Variants in PLCB4 observed in about 807,000 individuals in gnomAD.
The protein encoded by PLCB4 is phospholipase C beta 4.
Under a neutral mutation model 178.8 loss-of-function variants are expected in PLCB4, and 77 were observed. That is an observed-to-expected ratio of 0.43 (90% CI 0.36 to 0.52). PLCB4 has a LOEUF of 0.52. Ranked by LOEUF, PLCB4 falls within the 20% of genes least tolerant of loss-of-function variation. PLCB4 has a pLI of 0.00. For missense variants in PLCB4, 1,024 were observed against 1,453.4 expected (o/e 0.70, Z 4.80); for synonymous variants, 496 against 490.8 (o/e 1.01, Z -0.14).
intron 4 of PLCB4, among the ~76,000 whole-genome samples, chr20:9,325,725 C>T (rs2147990799): frequency 6.6e-6 from 1 of 152,314 alleles, no homozygotes; most frequent in Non-Finnish European, 1.5e-5. Flanking sequence ...TCGTTAGAAA[C>T]AGTTTGGCCT....
At chr20:9,114,325 A>G (rs557316692) in intron 2 of PLCB4, among the ~76,000 whole-genome samples, 6 of 152,244 alleles carry the variant, frequency 3.9e-5, no homozygotes, top group African/African-American at 9.6e-5. Flanking sequence ...TGCTGATGCT[A>G]GGAACGGAGA....
chr20:9,312,800 T>C (rs746143155), intron 4 of PLCB4, among the ~76,000 whole-genome samples: 12 of 152,154 alleles, frequency 7.9e-5, no homozygotes, highest in Non-Finnish European at 1.3e-4. Context: ...AAAGGAAAAG[T>C]GAAGTAAGTT....
chr20:9,069,335 C>G (rs1055641596), intron 1 of PLCB4, 129 bp downstream of exon 1: 1 of 152,274 alleles, frequency 6.6e-6, no homozygotes, highest in Admixed American at 6.5e-5. Flanking sequence ...GCGGGGACCC[C>G]GTGCAGGTGC....
chr20:9,225,449 TG>T (rs1478962553), intron 3 of PLCB4, among the ~76,000 whole-genome samples: 1 of 152,238 alleles, frequency 6.6e-6, no homozygotes, highest in East Asian at 1.9e-4. Flanking sequence ...CTGGAAAAGA[TG>T]TAACAGTCGA....
intron 3 of PLCB4, among the ~76,000 whole-genome samples, chr20:9,307,362 G>T (rs1387910776): frequency 6.6e-6 from 1 of 152,036 alleles, no homozygotes; most frequent in Non-Finnish European, 1.5e-5. Context: ...TACCCTGTGG[G>T]CTCCTCCTGC....
chr20:9,431,827 GTACTCCT>G (rs2041438257), intron 28 of PLCB4, among the ~76,000 whole-genome samples: 1 of 151,760 alleles, frequency 6.6e-6, no homozygotes, highest in Admixed American at 6.6e-5. Context: ...TATTTTCTTA[GTACTCCT>G]TCCATTCATC....
chr20:9,207,580 A>G, intron 2 of PLCB4, among the ~76,000 whole-genome samples: 1 of 152,230 alleles, frequency 6.6e-6, no homozygotes, highest in South Asian at 2.1e-4. Flanking sequence ...GGCTGGTGGC[A>G]CGTGGTGCCG....
chr20:9,457,597 T>G, intron 34 of PLCB4, 108 bp downstream of exon 34: 1 of 692,752 alleles, frequency 1.4e-6, no homozygotes, highest in Non-Finnish European at 2.6e-6. Flanking sequence ...AGAGCTGGTC[T>G]AGTAGCCTGC....
chr20:9,437,075 A>G lies in PLCB4; in HGVS notation c.2687A>G (p.Asn896Ser), dbSNP rs2041817956. Reference sequence around the variant, plus strand: ...GGAAAGGCCAACACCGCCAAAGCAAATGTGACCCCTCAGAGTAGCTCTGAG... The same window carrying G: ...GGAAAGGCCAACACCGCCAAAGCAAGTGTGACCCCTCAGAGTAGCTCTGAG... The part of the protein sequence containing the change: ...KKGKANTAKA[N>S]VTPQSSSELR... The change falls in exon 30 of 40, where the codon AAT (asparagine) becomes AGT (serine). Residue 896 changes from asparagine to serine, a missense_variant. Physicochemically the swap from Asn to Ser is conservative, Grantham distance 46. Transcript: ENST00000378473. 1 of 1,614,092 alleles carries G rather than the reference A, an allele frequency of 6.2e-7. No homozygotes were observed. The highest frequency in any genetic ancestry group is 2.2e-5 in the East Asian group (1 of 44,872).
At chr20:9,184,758 C>G (rs914244301) in intron 2 of PLCB4, among the ~76,000 whole-genome samples, 1 of 152,030 alleles carries the variant, frequency 6.6e-6, no homozygotes. Flanking sequence ...ATAACACACG[C>G]ATCTAGGAGC....
rs771357843 is a variant in PLCB4 at position 9,472,784 on chromosome 20, T to G, written c.3351-6T>G. On this transcript the variant is annotated splice_region_variant and splice_polypyrimidine_tract_variant and intron_variant, in intron 36 of 39. Coordinates refer to ENST00000378473, the MANE Select transcript of PLCB4 (RefSeq NM_001377142.1). ...ACCAACCGTTATTTGTGCCCATTGCTTTTAGGCGAGTCAGGGAGTTAAACA... is the reference window on the plus strand; with the variant it reads ...ACCAACCGTTATTTGTGCCCATTGCGTTTAGGCGAGTCAGGGAGTTAAACA... The G allele has an allele frequency of 6.3e-7, 1 of 1,583,132 alleles. No homozygotes were observed. Among genetic ancestry groups the G allele is most frequent in the Non-Finnish European group, 8.6e-7 (1 of 1,158,030 alleles).
At chr20:9,356,996 G>T (rs1306912469) in intron 7 of PLCB4, among the ~76,000 whole-genome samples, 1 of 152,074 alleles carries the variant, frequency 6.6e-6, no homozygotes, top group Non-Finnish European at 1.5e-5. Context: ...CACACTTGTG[G>T]TCTCAGCTTC....
At chr20:9,226,141 C>T (rs541956315) in intron 3 of PLCB4, among the ~76,000 whole-genome samples, 196 of 152,262 alleles carry the variant, frequency 1.3e-3, no homozygotes, top group Middle Eastern at 0.01. Context: ...AAAGTGCTGA[C>T]GTGATCTCCT....
chr20:9,437,246 G>A (rs1044812899), intron 30 of PLCB4, 94 bp downstream of exon 30: 13 of 1,158,918 alleles, frequency 1.1e-5, no homozygotes, highest in Admixed American at 8.2e-5. Flanking sequence ...TAAATTCGAA[G>A]TTCTTTGTGG....
rs1602300038 is a variant in PLCB4 at position 9,388,290 on chromosome 20, A to G, written c.1158+734A>G. 2.0e-5 allele frequency among the ~76,000 whole-genome samples: 3 copies of G among 152,360 alleles called. No individual in the cohort carries two copies. In the East Asian group the frequency reaches 5.8e-4, roughly 29 times the overall value. On this transcript the variant is annotated intron_variant, in intron 15 of 39. Coordinates refer to ENST00000378473, the MANE Select transcript of PLCB4 (RefSeq NM_001377142.1). ...TAATGAGGTTAGACAAATCAAAAGA[A>G]TGAAATTCTGTGGTTTGCAAATGTC... is the stretch of plus-strand genomic sequence containing the variant.
At chr20:9,442,847 C>A (rs187136787) in intron 30 of PLCB4, among the ~76,000 whole-genome samples, 2 of 152,132 alleles carry the variant, frequency 1.3e-5, no homozygotes, top group Admixed American at 6.5e-5. Flanking sequence ...TTTCCTTCTG[C>A]GGCCTGACCA....
chr20:9,076,324 G>A (rs886949427), intron 1 of PLCB4, among the ~76,000 whole-genome samples: 3 of 152,066 alleles, frequency 2.0e-5, no homozygotes, highest in African/African-American at 4.8e-5. Context: ...AAAATTAGCC[G>A]GGTGTGGTGG....
intron 4 of PLCB4, among the ~76,000 whole-genome samples, chr20:9,308,461 A>G (rs1007606134): frequency 2.0e-5 from 3 of 152,218 alleles, no homozygotes; most frequent in Non-Finnish European, 4.4e-5. Flanking sequence ...ATGGCTGGGT[A>G]GGTGAATTAA....
intron 3 of PLCB4, among the ~76,000 whole-genome samples, chr20:9,223,793 C>T (rs568647656): frequency 5.3e-5 from 8 of 152,158 alleles, no homozygotes; most frequent in African/African-American, 7.2e-5. Flanking sequence ...TCCCAAGACC[C>T]GCAGTAGATG....
Sources: gnomAD v4.1 joint callset for allele counts (sites outside exome capture counted in the v4.1 genomes callset) on GRCh38, gnomAD v4.1.1 for gene constraint, MANE v1.5 for transcripts, NCBI Gene and HGNC (gene_info 2026-07-23, HGNC 2026-07-21) for gene names.